The following CUX2 variants were observed in gnomAD, a reference collection of about 807,000 sequenced individuals.
The protein encoded by CUX2 is cut like homeobox 2.
Under a neutral mutation model 144.8 loss-of-function variants are expected in CUX2, and 40 were observed. The ratio of observed to expected loss-of-function variants is 0.28; its 90% confidence interval spans 0.21 to 0.36. The LOEUF (loss-of-function observed/expected upper bound fraction) is 0.36. CUX2 is among the 10% of genes least tolerant of loss of function. The pLI is 1.00. For missense variants in CUX2, 1,615 were observed against 1,994.0 expected (o/e 0.81, Z 3.62); for synonymous variants, 827 against 875.6 (o/e 0.94, Z 0.98).
intron 18 of CUX2, among the ~76,000 whole-genome samples, chr12:111,325,037 G>A (rs895325614): frequency 1.3e-5 from 2 of 151,874 alleles, no homozygotes; most frequent in Admixed American, 6.6e-5. Flanking sequence ...TGTAATCCCA[G>A]CACTTTGGGA....
At chr12:111,166,726 C>G (rs1349103329) in intron 1 of CUX2, among the ~76,000 whole-genome samples, 1 of 152,226 alleles carries the variant, frequency 6.6e-6, no homozygotes, top group African/African-American at 2.4e-5. Context: ...TGTTTGGTCC[C>G]TGAGAGTGGA....
chr12:111,052,974 C>A (rs1466000052), intron 1 of CUX2, among the ~76,000 whole-genome samples: 1 of 152,138 alleles, frequency 6.6e-6, no homozygotes, highest in Non-Finnish European at 1.5e-5. Flanking sequence ...CCCCCACCCC[C>A]ACCTTCATCC....
rs145863285 is a variant in CUX2, at chr12:111,159,770, A to G, written c.64-54430A>G. The stretch of plus-strand genomic sequence containing the variant: ...CCAGGCGCAGTGGGTCACGCCTGTA[A>G]TCCCAGCACTTTGGGAGGCCAAGGC... On this transcript the variant is annotated intron_variant, in intron 1 of 21. Coordinates refer to ENST00000261726, the MANE Select transcript of CUX2 (RefSeq NM_015267.4). Among the ~76,000 whole-genome samples, 1,194 of 152,314 alleles carry G rather than the reference A, an allele frequency of 7.8e-3. 19 individuals are homozygous for G. The highest frequency in any genetic ancestry group is 0.027 in the African/African-American group (1,111 of 41,554).
chr12:111,244,752 A>G (rs534643467), intron 3 of CUX2, among the ~76,000 whole-genome samples: 7 of 152,282 alleles, frequency 4.6e-5, no homozygotes, highest in Non-Finnish European at 1.0e-4. Flanking sequence ...TGATCAGAAC[A>G]GAACAGTTGA....
chr12:111,191,489 G>T (rs1209942832), intron 1 of CUX2, among the ~76,000 whole-genome samples: 1 of 151,880 alleles, frequency 6.6e-6, no homozygotes, highest in East Asian at 1.9e-4. Flanking sequence ...ACGCCACCAC[G>T]CCAGCTAATT....
intron 1 of CUX2, among the ~76,000 whole-genome samples, chr12:111,091,433 A>T (rs779504465): frequency 3.9e-5 from 6 of 152,136 alleles, no homozygotes; most frequent in Non-Finnish European, 5.9e-5. Context: ...CTCCCTGTAC[A>T]GACCCCTAAG....
At chr12:111,216,560 G>A (rs1303015553) in intron 2 of CUX2, among the ~76,000 whole-genome samples, 2 of 152,168 alleles carry the variant, frequency 1.3e-5, no homozygotes, top group Non-Finnish European at 2.9e-5. Context: ...TCATGCTGCC[G>A]TCATAAGCTA....
intron 1 of CUX2, among the ~76,000 whole-genome samples, chr12:111,072,902 T>C (rs1034651216): frequency 2.0e-5 from 3 of 152,340 alleles, no homozygotes; most frequent in African/African-American, 4.8e-5. Flanking sequence ...TTTGCTGTTA[T>C]CCTACTCATT....
rs754966983 is a variant in CUX2 at position 111,068,298 on chromosome 12, T to C, written c.63+34058T>C. Among the ~76,000 whole-genome samples, 20 of 152,324 alleles carry C rather than the reference T, an allele frequency of 1.3e-4. No homozygotes were observed. The highest frequency in any genetic ancestry group is 2.6e-4 in the Non-Finnish European group (18 of 68,014). On this transcript the variant is annotated intron_variant, in intron 1 of 21. Coordinates refer to ENST00000261726, the MANE Select transcript of CUX2 (RefSeq NM_015267.4). The surrounding 1 kb of genome is among the most constrained non-coding windows in gnomAD (Gnocchi z 4.9). ...TTTTCTTTCTTTCTTGGATTTGCTC[T>C]GGGGTTGGCTTCCTCGAACCAAAAT...
chr12:111,325,251 GT>G (rs1303568992), intron 18 of CUX2, among the ~76,000 whole-genome samples: 1 of 151,318 alleles, frequency 6.6e-6, no homozygotes, highest in African/African-American at 2.4e-5. Flanking sequence ...CCGAGATCCT[GT>G]CACTGCACTC....
rs760416717 is a variant in CUX2, at chr12:111,307,129, A to AGGCAGGCG, written c.1050+27_1050+34dup. 1.2e-6 allele frequency: 2 copies of AGGCAGGCG among 1,613,462 alleles called. No homozygotes were observed. The highest frequency in any genetic ancestry group is 3.3e-5 in the Admixed American group (2 of 59,974). The stretch of plus-strand genomic sequence containing the variant: ...GCCATAGAAGTGGGTCCTGGGGAGG[A>AGGCAGGCG]GGCAGGCGGGCAGGCGGCCCCATGC... On this transcript the variant is annotated intron_variant, in intron 11 of 21. Transcript: ENST00000261726. This position sits in a 1 kb window ranked among gnomAD's most constrained non-coding sequence, Gnocchi z 4.1.
intron 1 of CUX2, among the ~76,000 whole-genome samples, chr12:111,150,879 G>T (rs1010804552): frequency 6.6e-6 from 1 of 152,002 alleles, no homozygotes; most frequent in Non-Finnish European, 1.5e-5. Flanking sequence ...TTATTATTTC[G>T]CAGCAATGGT....
chr12:111,333,781 C>T (rs1431743564), intron 18 of CUX2, among the ~76,000 whole-genome samples: 2 of 152,140 alleles, frequency 1.3e-5, no homozygotes, highest in Non-Finnish European at 2.9e-5. Context: ...ATCGCTTGAA[C>T]CCGGGAAAGA....
At chr12:111,302,824 C>A (rs1323853132) in intron 9 of CUX2, among the ~76,000 whole-genome samples, 1 of 151,210 alleles carries the variant, frequency 6.6e-6, no homozygotes, top group Non-Finnish European at 1.5e-5. Context: ...TGCTTGAACC[C>A]AGGAGGTGGA....
At position 111,227,651 on chromosome 12, in the gene CUX2, A is replaced by G. The variant is rs138258077; in HGVS notation, c.222+9714A>G. Reference sequence around the variant, plus strand: ...CCTGCGCACTCTGGCTTTCTCCTATATTTTCTTGTTGGAAAACCAGCCAGG... The same window carrying G: ...CCTGCGCACTCTGGCTTTCTCCTATGTTTTCTTGTTGGAAAACCAGCCAGG... On this transcript the variant is annotated intron_variant, in intron 3 of 21. Coordinates refer to ENST00000261726, the MANE Select transcript of CUX2 (RefSeq NM_015267.4). Among the ~76,000 whole-genome samples the G allele has an allele frequency of 2.8e-4, 43 of 151,828 alleles. No homozygotes were observed. The East Asian group carries it at 8.3e-3, about 29-fold the overall frequency.
At position 111,059,096 on chromosome 12, in the gene CUX2, C is replaced by T. The variant is rs900976923; in HGVS notation, c.63+24856C>T. Among the ~76,000 whole-genome samples the T allele has an allele frequency of 6.6e-6, 1 of 152,330 alleles. No individual in the cohort carries two copies. ...TCCCTTAACCGTAAACATCTAGAGGCTCGGAATGCTGAACTTTCTGAGGAT... is the reference window on the plus strand; with the variant it reads ...TCCCTTAACCGTAAACATCTAGAGGTTCGGAATGCTGAACTTTCTGAGGAT... On this transcript the variant is annotated intron_variant, in intron 1 of 21. Transcript: ENST00000261726. The surrounding 1 kb of genome is among the most constrained non-coding windows in gnomAD (Gnocchi z 5.3).
At chr12:111,236,073 C>A (rs1882725375) in intron 3 of CUX2, among the ~76,000 whole-genome samples, 2 of 152,182 alleles carry the variant, frequency 1.3e-5, no homozygotes, top group South Asian at 4.1e-4. Context: ...CCTCATCTTT[C>A]CTATCTGGAA....
intron 1 of CUX2, among the ~76,000 whole-genome samples, chr12:111,063,158 G>T (rs1437281430): frequency 1.3e-5 from 2 of 152,324 alleles, no homozygotes; most frequent in East Asian, 1.9e-4. Context: ...CATCCAGAAA[G>T]TTCCCCAGTC....
intron 1 of CUX2, among the ~76,000 whole-genome samples, chr12:111,091,517 T>A (rs1016557258): frequency 6.6e-6 from 1 of 152,166 alleles, no homozygotes; most frequent in Non-Finnish European, 1.5e-5. Context: ...GGGGCCCACT[T>A]CAGTTTTTCA....
Sources: allele counts gnomAD v4.1 joint callset (sites outside exome capture counted in the v4.1 genomes callset), GRCh38; gene constraint gnomAD v4.1.1; non-coding constraint Gnocchi (gnomAD v3.1); transcripts MANE v1.5; gene names NCBI Gene and HGNC (gene_info 2026-07-23, HGNC 2026-07-21).